AUH: variants seen among roughly 807,000 people sequenced by gnomAD.
AUH encodes the protein methylglutaconyl-CoA hydratase, mitochondrial.
In AUH, 29 loss-of-function variants were observed where a neutral mutation model predicts 42.3. The observed-to-expected ratio is 0.69, with a 90% CI of 0.51 to 0.93. The LOEUF is 0.93. Ranked by LOEUF, AUH falls within the 40% of genes least tolerant of loss-of-function variation. AUH has a pLI of 0.00. For synonymous variants in AUH, 174 were observed against 166.4 expected (o/e 1.05, Z -0.35); for missense variants, 452 against 438.1 (o/e 1.03, Z -0.28).
chr9:91,240,788 G>A (rs1362376518), intron 6 of AUH, among the ~76,000 whole-genome samples: 1 of 151,420 alleles, frequency 6.6e-6, no homozygotes, highest in African/African-American at 2.4e-5. Context: ...CCTCCCATGA[G>A]CTCCCTTTTG....
intron 6 of AUH, among the ~76,000 whole-genome samples, chr9:91,255,868 TTC>T (rs1401994710): frequency 6.6e-6 from 1 of 152,170 alleles, no homozygotes; most frequent in Non-Finnish European, 1.5e-5. Context: ...GTCATCTTTT[TTC>T]TCTTTTTCAT....
At chr9:91,357,024 G>A (rs1832462089) in intron 1 of AUH, among the ~76,000 whole-genome samples, 1 of 152,212 alleles carries the variant, frequency 6.6e-6, no homozygotes, top group African/African-American at 2.4e-5. Context: ...CGCTGTGCAA[G>A]AAACTGTGCA....
At chr9:91,332,426 C>T (rs1433560068) in intron 3 of AUH, among the ~76,000 whole-genome samples, 1 of 152,140 alleles carries the variant, frequency 6.6e-6, no homozygotes, top group East Asian at 1.9e-4. Context: ...CACTTGAATC[C>T]AGGAGGTGGA....
intron 3 of AUH, among the ~76,000 whole-genome samples, chr9:91,342,389 A>C (rs1322933939): frequency 6.6e-6 from 1 of 152,100 alleles, no homozygotes; most frequent in Non-Finnish European, 1.5e-5. Flanking sequence ...CACCTTCCTC[A>C]CATCTGCGAA....
At chr9:91,217,095 A>G (rs1331273594) in intron 8 of AUH, among the ~76,000 whole-genome samples, 182 bp downstream of exon 8, 1 of 152,248 alleles carries the variant, frequency 6.6e-6, no homozygotes, top group Non-Finnish European at 1.5e-5. Context: ...TGAATTAGCA[A>G]TAACTGTAAG....
intron 3 of AUH, among the ~76,000 whole-genome samples, chr9:91,341,837 G>C (rs1831128672): frequency 6.6e-6 from 1 of 152,226 alleles, no homozygotes; most frequent in South Asian, 2.1e-4. Flanking sequence ...ATGTGATGGA[G>C]GCTGGGGGAA....
chr9:91,253,389 T>C (rs1471635807), intron 6 of AUH, among the ~76,000 whole-genome samples: 1 of 152,224 alleles, frequency 6.6e-6, no homozygotes. Flanking sequence ...AATAATATTT[T>C]TGTTATGATG....
chr9:91,271,440 CTTT>C (rs1243987981), intron 6 of AUH, among the ~76,000 whole-genome samples: 7 of 151,978 alleles, frequency 4.6e-5, no homozygotes, highest in Non-Finnish European at 1.5e-5. Flanking sequence ...TCTGCCATTT[CTTT>C]TTTTTCTGAA....
chr9:91,250,798 G>A (rs993389939), intron 6 of AUH, among the ~76,000 whole-genome samples: 4 of 152,166 alleles, frequency 2.6e-5, no homozygotes, highest in Non-Finnish European at 4.4e-5. Context: ...GCAGAGAGTC[G>A]CCCTCAAGAC....
intron 6 of AUH, among the ~76,000 whole-genome samples, chr9:91,235,673 G>A (rs1433882538): frequency 6.6e-6 from 1 of 152,174 alleles, no homozygotes; most frequent in African/African-American, 2.4e-5. Flanking sequence ...AGCTGCTCAG[G>A]TGCAGCCAAC....
chr9:91,360,352 C>A (rs1832755742), intron 1 of AUH: 1 of 152,226 alleles, frequency 6.6e-6, no homozygotes, highest in African/African-American at 2.4e-5. Context: ...TCTTACTATT[C>A]TGCTTATGCC....
intron 6 of AUH, among the ~76,000 whole-genome samples, chr9:91,289,787 A>G (rs1826709772): frequency 6.6e-6 from 1 of 152,240 alleles, no homozygotes; most frequent in Non-Finnish European, 1.5e-5. Context: ...CTGTGGATGG[A>G]GCAGAAGAAG....
intron 3 of AUH, among the ~76,000 whole-genome samples, chr9:91,351,963 C>A (rs1317876047): frequency 6.6e-6 from 1 of 152,102 alleles, no homozygotes; most frequent in Non-Finnish European, 1.5e-5. Context: ...AGAAAACGTA[C>A]AGTAAAAATA....
chr9:91,312,323 G>A (rs1370018561), intron 4 of AUH, among the ~76,000 whole-genome samples: 1 of 152,310 alleles, frequency 6.6e-6, no homozygotes, highest in African/African-American at 2.4e-5. Flanking sequence ...TATAACAGGA[G>A]GCAAGAGGGG....
intron 9 of AUH, among the ~76,000 whole-genome samples, chr9:91,215,521 A>C (rs1217595636): frequency 6.6e-6 from 1 of 152,186 alleles, no homozygotes; most frequent in African/African-American, 2.4e-5. Flanking sequence ...TACAGATGCA[A>C]CCATCTTTTT....
intron 3 of AUH, 113 bp downstream of exon 3, chr9:91,355,770 G>C: frequency 1.1e-6 from 1 of 881,626 alleles, no homozygotes; most frequent in Non-Finnish European, 1.8e-6. Flanking sequence ...CACAGACAAA[G>C]AGGAGTTGTT....
At chr9:91,263,483 A>C (rs1829808643) in intron 6 of AUH, among the ~76,000 whole-genome samples, 1 of 152,252 alleles carries the variant, frequency 6.6e-6, no homozygotes, top group Non-Finnish European at 1.5e-5. Flanking sequence ...TATTTTATTT[A>C]AGGCTAGTAT....
At chr9:91,316,224 A>T (rs1202545520) in intron 4 of AUH, among the ~76,000 whole-genome samples, 1 of 152,070 alleles carries the variant, frequency 6.6e-6, no homozygotes, top group African/African-American at 2.4e-5. Context: ...AAGATGAGGA[A>T]TTTTTTTTAA....
intron 3 of AUH, among the ~76,000 whole-genome samples, chr9:91,348,307 CTAGTGGGAA>C (rs2132030126): frequency 6.6e-6 from 1 of 152,268 alleles, no homozygotes; most frequent in East Asian, 1.9e-4. Flanking sequence ...TCATCCGTTG[CTAGTGGGAA>C]TGCAAAATGA....
Sources: gnomAD v4.1 joint callset for allele counts (sites outside exome capture counted in the v4.1 genomes callset) on GRCh38, gnomAD v4.1.1 for gene constraint, MANE v1.5 for transcripts, NCBI Gene and HGNC (gene_info 2026-07-23, HGNC 2026-07-21) for gene names.